The following CACNA1D variants were observed in gnomAD, a reference collection of about 807,000 sequenced individuals.
CACNA1D encodes the protein calcium voltage-gated channel subunit alpha1 D.
A neutral mutation model predicts 257.1 loss-of-function variants in CACNA1D; 55 were observed. The ratio of observed to expected loss-of-function variants is 0.21; its 90% confidence interval spans 0.17 to 0.27. The LOEUF (loss-of-function observed/expected upper bound fraction) is 0.27. Ranked by LOEUF, CACNA1D falls within the 10% of genes least tolerant of loss-of-function variation. CACNA1D has a pLI of 1.00. For synonymous variants in CACNA1D, 980 were observed against 1,014.9 expected, an observed-to-expected ratio of 0.97 and a Z score of 0.65; for missense variants, 1,876 against 2,784.0, an observed-to-expected ratio of 0.67 and a Z score of 7.34.
At chr3:53,731,692 A>T (rs1435162335) in intron 17 of CACNA1D, among the ~76,000 whole-genome samples, 3 of 152,236 alleles carry the variant, frequency 2.0e-5, no homozygotes, top group African/African-American at 7.2e-5. Flanking sequence ...CATGGGGCTC[A>T]CAGTCTGGCA....
chr3:53,787,364 C>A (rs774685330), intron 40 of CACNA1D, among the ~76,000 whole-genome samples: 2 of 151,656 alleles, frequency 1.3e-5, no homozygotes, highest in Non-Finnish European at 2.9e-5. Flanking sequence ...TTGTTTCTTA[C>A]CCCACTGCTT....
At chr3:53,741,841 T>C (rs1446108785) in intron 21 of CACNA1D, among the ~76,000 whole-genome samples, 1 of 152,230 alleles carries the variant, frequency 6.6e-6, no homozygotes, top group Non-Finnish European at 1.5e-5. Context: ...TATTTTACTC[T>C]CCACATTTTT....
intron 5 of CACNA1D, among the ~76,000 whole-genome samples, chr3:53,663,130 A>G (rs1398087319): frequency 1.3e-5 from 2 of 152,146 alleles, no homozygotes; most frequent in South Asian, 4.1e-4. Context: ...GCTGAGTCTG[A>G]AATCCTCTTA....
chr3:53,788,567 G>C (rs2109124506), intron 40 of CACNA1D, among the ~76,000 whole-genome samples: 1 of 152,354 alleles, frequency 6.6e-6, no homozygotes, highest in African/African-American at 2.4e-5. Flanking sequence ...CCATCCTTGA[G>C]GGCAGCGTGG....
intron 3 of CACNA1D, among the ~76,000 whole-genome samples, chr3:53,548,136 C>A (rs1342060871): frequency 6.6e-6 from 1 of 152,202 alleles, no homozygotes; most frequent in Non-Finnish European, 1.5e-5. Context: ...TTGATTCTTT[C>A]CGCCTTCGTC....
chr3:53,625,528 TG>T (rs2093747619), intron 3 of CACNA1D, among the ~76,000 whole-genome samples: 1 of 152,202 alleles, frequency 6.6e-6, no homozygotes, highest in African/African-American at 2.4e-5. Context: ...CCTAGGAAGA[TG>T]TGCTCTTCTG....
Position 53,723,374 on chromosome 3 carries a change from A to G in CACNA1D, c.1667-60A>G. ...TGATAGGGAGGGAGGTGTGAGGGGC[A>G]CGAGCAGTCTGAGTGTCTTGCAGGA... On this transcript the variant is annotated intron_variant, in intron 12 of 47. Transcript: ENST00000350061. The surrounding 1 kb of genome is among the most constrained non-coding windows in gnomAD (Gnocchi z 5.6). 1 of 1,237,318 alleles carries G rather than the reference A, an allele frequency of 8.1e-7. No homozygotes were observed. Among genetic ancestry groups the G allele is most frequent in the South Asian group, 1.2e-5 (1 of 83,470 alleles). 76.6% of individuals were successfully genotyped at this position (1,237,318 alleles called of 1,614,324 possible).
Position 53,682,328 on chromosome 3 carries a change from A to G in CACNA1D, c.1220+9202A>G, listed in dbSNP as rs145015216. Reference sequence around the variant, plus strand: ...GGGTTGCTTGAGGCCGGGAGTTTGAAACCAGCCTGGGCGACATAGCGAGGC... The same window carrying G: ...GGGTTGCTTGAGGCCGGGAGTTTGAGACCAGCCTGGGCGACATAGCGAGGC... On this transcript the variant is annotated intron_variant, in intron 8 of 47. Transcript: ENST00000350061. Among the ~76,000 whole-genome samples, 1,080 of 137,380 alleles carry G rather than the reference A, an allele frequency of 7.9e-3. 7 individuals are homozygous for G. The highest frequency in any genetic ancestry group is 0.016 in the Middle Eastern group (4 of 258). The allele number at this position is 137,380 out of a possible 152,430, so 90.1% of individuals were successfully genotyped here. A position where few individuals can be genotyped will look rare whatever the true frequency, so the allele number is the denominator to read the frequency against.
intron 18 of CACNA1D, 65 bp from the exon 19 acceptor site, chr3:53,732,750 A>G (rs566582250): frequency 6.8e-7 from 1 of 1,464,156 alleles, no homozygotes; most frequent in Non-Finnish European, 9.6e-7. Context: ...ATGTGAAATT[A>G]AGAATAATTC....
At chr3:53,662,171 A>G (rs2094209928) in intron 5 of CACNA1D, among the ~76,000 whole-genome samples, 1 of 152,244 alleles carries the variant, frequency 6.6e-6, no homozygotes, top group Non-Finnish European at 1.5e-5. Context: ...GAGAATCCAG[A>G]CTGTTCTGTA....
At chr3:53,505,552 A>G (rs925087166) in intron 3 of CACNA1D, among the ~76,000 whole-genome samples, 2 of 152,222 alleles carry the variant, frequency 1.3e-5, no homozygotes, top group African/African-American at 2.4e-5. Flanking sequence ...CACCAAGCGA[A>G]TGACTTTCCC....
At chr3:53,508,235 C>T (rs1323858851) in intron 3 of CACNA1D, among the ~76,000 whole-genome samples, 14 of 152,110 alleles carry the variant, frequency 9.2e-5, no homozygotes, top group East Asian at 1.9e-4. Context: ...GGTGGTTTGC[C>T]GCACCTATCA....
intron 38 of CACNA1D, 90 bp from the exon 39 acceptor site, chr3:53,781,476 A>C: frequency 1.2e-6 from 1 of 848,332 alleles, no homozygotes; most frequent in Non-Finnish European, 2.0e-6. Flanking sequence ...ATGTTCATCC[A>C]GGTCAGGCTG....
Position 53,735,369 on chromosome 3 carries a change from T to G in CACNA1D, c.2622-5T>G, listed in dbSNP as rs752575429. The G allele has an allele frequency of 1.9e-6, 3 of 1,614,010 alleles. No homozygotes were observed. The highest frequency in any genetic ancestry group is 2.5e-6 in the Non-Finnish European group (3 of 1,179,862). On this transcript the variant is annotated splice_region_variant and splice_polypyrimidine_tract_variant and intron_variant, in intron 19 of 47. Coordinates refer to ENST00000350061, the MANE Select transcript of CACNA1D (RefSeq NM_001128840.3). ...CTGTTTCCAAGCAGCGGCTTTTCCC[T>G]GCAGGATCCGCGTAGGCTGCCACAA...
chr3:53,722,605 AAC>A, intron 12 of CACNA1D, 131 bp downstream of exon 12: 1 of 960,220 alleles, frequency 1.0e-6, no homozygotes. Context: ...AACTTGGTAG[AAC>A]CATCCAGACA....
intron 4 of CACNA1D, among the ~76,000 whole-genome samples, chr3:53,657,685 TAAAAA>T (rs2094161884): frequency 1.3e-5 from 2 of 152,186 alleles, no homozygotes; most frequent in African/African-American, 4.8e-5. Context: ...AGAAAGGTTT[TAAAAA>T]AGAAAAGGAA....
chr3:53,612,697 C>T (rs1190142266), intron 3 of CACNA1D, among the ~76,000 whole-genome samples: 1 of 152,124 alleles, frequency 6.6e-6, no homozygotes, highest in Non-Finnish European at 1.5e-5. Flanking sequence ...ACTGTTTCCT[C>T]AGCTCAGTGA....
intron 29 of CACNA1D, among the ~76,000 whole-genome samples, chr3:53,756,450 A>G (rs2095265639): frequency 1.3e-5 from 2 of 152,178 alleles, no homozygotes; most frequent in Admixed American, 6.5e-5. Context: ...ATTTTGGAGC[A>G]CTGGTCAGGC....
chr3:53,788,256 A>G (rs2109121782), intron 40 of CACNA1D, among the ~76,000 whole-genome samples: 1 of 152,276 alleles, frequency 6.6e-6, no homozygotes, highest in South Asian at 2.1e-4. Context: ...CCAGACAGCT[A>G]CAGGGGCTGG....
Sources: allele counts gnomAD v4.1 joint callset (sites outside exome capture counted in the v4.1 genomes callset), GRCh38; gene constraint gnomAD v4.1.1; non-coding constraint Gnocchi (gnomAD v3.1); transcripts MANE v1.5; gene names NCBI Gene and HGNC (gene_info 2026-07-23, HGNC 2026-07-21).